The following ATP10B variants were observed in gnomAD, a reference collection of about 807,000 sequenced individuals.
The protein encoded by ATP10B is phospholipid-transporting ATPase VB.
ATP10B carries 122 observed loss-of-function variants against 141.2 expected under a neutral mutation model. That is an observed-to-expected ratio of 0.86 (90% CI 0.75 to 1.00). The LOEUF (loss-of-function observed/expected upper bound fraction) is 1.00, where lower values mean the gene tolerates loss of function less well. ATP10B is among the 50% of genes least tolerant of loss of function. The pLI is 0.00. For missense variants in ATP10B, 1,876 were observed against 1,825.3 expected (o/e 1.03, Z -0.51); for synonymous variants, 685 against 692.0 (o/e 0.99, Z 0.16).
chr5:160,617,764 C>T lies in ATP10B; in HGVS notation c.2526+100G>A, dbSNP rs1207145895. ...ACAGCTAATCTTGAAAATGTTAAAACAACCACCTCTAAGGGTCTTTTATAA... is the reference window on the plus strand; with the variant it reads ...ACAGCTAATCTTGAAAATGTTAAAATAACCACCTCTAAGGGTCTTTTATAA... On this transcript the variant is annotated intron_variant, in intron 16 of 25. Coordinates refer to ENST00000327245, the MANE Select transcript of ATP10B (RefSeq NM_025153.3). The T allele has an allele frequency of 7.7e-6, 8 of 1,040,902 alleles. No individual in the cohort carries two copies. In the African/African-American group the frequency reaches 1.1e-4, roughly 15 times the overall value. The allele number at this position is 1,040,902 out of a possible 1,614,324, so 64.5% of individuals were successfully genotyped here.
intron 1 of ATP10B, among the ~76,000 whole-genome samples, chr5:160,844,777 T>G (rs1460392797): frequency 7.2e-5 from 11 of 152,158 alleles, no homozygotes; most frequent in Admixed American, 7.2e-4. Context: ...ACTCCTGGCC[T>G]CAAGTGATCT....
chr5:160,649,026 A>T, intron 8 of ATP10B, 145 bp downstream of exon 8: 1 of 435,740 alleles, frequency 2.3e-6, no homozygotes, highest in Non-Finnish European at 4.0e-6. Flanking sequence ...TTCCCAATTT[A>T]AATTTCTCTA....
At chr5:160,863,417 A>G in the ATP10B span, among the ~76,000 whole-genome samples, 2 of 152,008 alleles carry the variant, frequency 1.3e-5, no homozygotes, top group Non-Finnish European at 2.9e-5. Context: ...TTAAAAAGTA[A>G]CAAGAGACAC....
intron 18 of ATP10B, among the ~76,000 whole-genome samples, chr5:160,611,505 A>AT (rs1393225400): frequency 2.0e-5 from 3 of 152,132 alleles, no homozygotes. Context: ...CCCTGAGCTT[A>AT]TTTTCATTTT....
At chr5:160,629,837 C>T (rs181360466) in intron 13 of ATP10B, among the ~76,000 whole-genome samples, 38 of 152,288 alleles carry the variant, frequency 2.5e-4, no homozygotes, top group East Asian at 2.3e-3. Context: ...TTAGACTCCA[C>T]GTGTGCCTAA....
the ATP10B span, among the ~76,000 whole-genome samples, chr5:160,909,846 A>G: frequency 6.6e-6 from 1 of 152,190 alleles, no homozygotes; most frequent in African/African-American, 2.4e-5. Context: ...TTCCATCTCC[A>G]AGGCCTCTGC....
At chr5:160,887,224 A>ATGG in the ATP10B span, among the ~76,000 whole-genome samples, 6 of 152,208 alleles carry the variant, frequency 3.9e-5, no homozygotes, top group Non-Finnish European at 7.3e-5. Flanking sequence ...TTGATATAAA[A>ATGG]TGGTACACTA....
the ATP10B span, among the ~76,000 whole-genome samples, chr5:160,875,491 A>G: frequency 1.8e-4 from 17 of 94,184 alleles, no homozygotes; most frequent in Admixed American, 1.8e-3. Context: ...GAGCAAAATC[A>G]CCAGCTAACA....
Position 160,688,815 on chromosome 5 carries a change from T to C in ATP10B, c.-76A>G. On this transcript the variant is annotated 5_prime_UTR_variant, in exon 4 of 26. Coordinates refer to ENST00000327245, the MANE Select transcript of ATP10B (RefSeq NM_025153.3). ...AGTAGAATAGATGGGAGAGGTTCTT[T>C]CCTAGGAAATTTGTCCATGAGGTGA... 1.0e-6 allele frequency: 1 copy of C among 985,428 alleles called. No homozygotes were observed. Among genetic ancestry groups the C allele is most frequent in the Non-Finnish European group, 1.2e-6 (1 of 829,930 alleles). The allele number at this position is 985,428 out of a possible 1,614,324, so 61.0% of individuals were successfully genotyped here.
intron 24 of ATP10B, among the ~76,000 whole-genome samples, chr5:160,570,026 T>C (rs527263975): frequency 1.4e-4 from 21 of 152,306 alleles, no homozygotes; most frequent in African/African-American, 5.1e-4. Context: ...TTTTGTTTTT[T>C]TTCCCTCAAT....
At chr5:160,675,983 A>G (rs2127732693) in intron 6 of ATP10B, among the ~76,000 whole-genome samples, 1 of 152,298 alleles carries the variant, frequency 6.6e-6, no homozygotes, top group South Asian at 2.1e-4. Context: ...GCTGAGGATT[A>G]GGGTGGGAGG....
chr5:160,880,943 C>T, the ATP10B span, among the ~76,000 whole-genome samples: 11 of 152,230 alleles, frequency 7.2e-5, no homozygotes, highest in Admixed American at 5.9e-4. Context: ...ATAAGCTAGA[C>T]TTTATTAAAA....
intron 1 of ATP10B, among the ~76,000 whole-genome samples, chr5:160,848,296 G>C (rs1051055375): frequency 6.6e-6 from 1 of 152,080 alleles, no homozygotes; most frequent in African/African-American, 2.4e-5. Context: ...ATGTTCTGAG[G>C]GTTACAGGAG....
chr5:160,646,747 TTC>T (rs1581256670), intron 8 of ATP10B, among the ~76,000 whole-genome samples: 1 of 152,210 alleles, frequency 6.6e-6, no homozygotes, highest in African/African-American at 2.4e-5. Flanking sequence ...AGGCTTCTAC[TTC>T]TCTCGGTTGT....
chr5:160,768,068 G>A (rs181656881), intron 2 of ATP10B, among the ~76,000 whole-genome samples: 1 of 152,090 alleles, frequency 6.6e-6, no homozygotes, highest in East Asian at 1.9e-4. Flanking sequence ...CCTTCCCGAG[G>A]TAGGTAGTCT....
chr5:160,769,902 A>G (rs2127854109), intron 2 of ATP10B, among the ~76,000 whole-genome samples: 1 of 152,316 alleles, frequency 6.6e-6, no homozygotes, highest in Non-Finnish European at 1.5e-5. Context: ...CGTACAGTTC[A>G]TGATTTTGCC....
chr5:160,888,164 G>T, the ATP10B span, among the ~76,000 whole-genome samples: 1 of 152,218 alleles, frequency 6.6e-6, no homozygotes, highest in East Asian at 1.9e-4. Flanking sequence ...ACAAGAAGGG[G>T]TAATCCTGGC....
the ATP10B span, among the ~76,000 whole-genome samples, chr5:160,920,708 T>A: frequency 6.6e-6 from 1 of 152,190 alleles, no homozygotes; most frequent in South Asian, 2.1e-4. Flanking sequence ...ATTTAGTTAG[T>A]CCCCGCTGCA....
At chr5:160,738,489 G>T (rs183656264) in intron 2 of ATP10B, among the ~76,000 whole-genome samples, 10 of 151,552 alleles carry the variant, frequency 6.6e-5, no homozygotes, top group Admixed American at 6.6e-4. Flanking sequence ...TCAAAATCTT[G>T]TTTTAAAATT....
Sources: gnomAD v4.1 joint callset for allele counts (sites outside exome capture counted in the v4.1 genomes callset) on GRCh38, gnomAD v4.1.1 for gene constraint, MANE v1.5 for transcripts, NCBI Gene and HGNC (gene_info 2026-07-23, HGNC 2026-07-21) for gene names.